The following ITLN1 variants were observed in gnomAD, a reference collection of about 807,000 sequenced individuals.
ITLN1 encodes intelectin-1.
A neutral mutation model predicts 36.2 loss-of-function variants in ITLN1; 29 were observed. The ratio of observed to expected loss-of-function variants is 0.80; its 90% CI spans 0.60 to 1.09. The LOEUF is 1.09. Ranked by LOEUF, ITLN1 falls within the 50% of genes least tolerant of loss-of-function variation. ITLN1 has a pLI of 0.00. For missense variants in ITLN1, 358 were observed against 405.2 expected (o/e 0.88, Z 1.00); for synonymous variants, 143 against 146.5 (o/e 0.98, Z 0.17).
rs772095207 is a variant in ITLN1, at chr1:160,884,828, C to T, written c.50G>A (p.Trp17Ter). Residue 17 changes from tryptophan to a stop codon, truncating the protein, a stop_gained, in exon 2 of 8, where the codon TGG (tryptophan) becomes TAG (stop). Coordinates refer to ENST00000326245, the MANE Select transcript of ITLN1 (RefSeq NM_017625.3). LOFTEE classifies it high-confidence loss of function. ...LLFLIATTRG[W>*]STDEANTYFK... is the part of the protein sequence containing the mutation. Reference sequence around the variant, plus strand: ...CTAGCAGCGTGACTCACCTGTACTCCATCCTCTGGTGGTCGCTATGAGAAA... The same window carrying T: ...CTAGCAGCGTGACTCACCTGTACTCTATCCTCTGGTGGTCGCTATGAGAAA... 6.2e-7 allele frequency: 1 copy of T among 1,612,032 alleles called. No homozygotes were observed. Among genetic ancestry groups the T allele is most frequent in the South Asian group, 1.1e-5 (1 of 91,004 alleles).
chr1:160,883,398 T>A, intron 3 of ITLN1, 30 bp downstream of exon 3: 1 of 1,474,018 alleles, frequency 6.8e-7, no homozygotes, highest in Admixed American at 1.7e-5. Context: ...ATACCCTGAC[T>A]GAGCTCTGTT....
chr1:160,884,908 C>T (rs2297560), intron 1 of ITLN1, 25 bp from the exon 2 acceptor site: 42,803 of 1,521,144 alleles, frequency 0.028, 2,876 homozygotes, highest in African/African-American at 0.22. Context: ...ATGAAGGTCA[C>T]CATCTTGGCC....
At position 160,883,495 on chromosome 1, in the gene ITLN1, G is replaced by A. The variant is rs1324342976; in HGVS notation, c.90C>T (p.Thr30=). Residue 30 remains threonine, a synonymous_variant, in exon 3 of 8, where the codon ACC becomes ACT. Coordinates refer to ENST00000326245, the MANE Select transcript of ITLN1 (RefSeq NM_017625.3). ...TGGGCAGAGATGGAGACGAAGAACAGGTCCATTCCTTGAAGTAAGTATTAG... is the reference window on the plus strand; with the variant it reads ...TGGGCAGAGATGGAGACGAAGAACAAGTCCATTCCTTGAAGTAAGTATTAG... ...DEANTYFKEW[T]CSSSPSLPRS... is the part of the protein sequence containing the mutation. 2.5e-6 allele frequency: 4 copies of A among 1,613,160 alleles called. No individual in the cohort carries two copies. The highest frequency in any genetic ancestry group is 2.5e-6 in the Non-Finnish European group (3 of 1,179,210).
At position 160,882,172 on chromosome 1, in the gene ITLN1, C is replaced by T; in HGVS notation, c.190G>A (p.Val64Ile). ...GLYFLRTENG[V>I]IYQTFCDMTS... ...ATGTCACAGAAGGTCTGGTAGATAA[C>T]ACCATTCTCAGTGCGGAGAAAATAC... The change falls in exon 4 of 8, where the codon GTT (valine) becomes ATT (isoleucine). Residue 64 changes from valine to isoleucine, a missense_variant. Physicochemically the swap from Val to Ile is conservative, Grantham distance 29. Coordinates refer to ENST00000326245, the MANE Select transcript of ITLN1 (RefSeq NM_017625.3). The T allele has an allele frequency of 2.5e-6, 4 of 1,598,958 alleles. No homozygotes were observed. The highest frequency in any genetic ancestry group is 3.4e-6 in the Non-Finnish European group (4 of 1,171,190).
intron 2 of ITLN1, 82 bp downstream of exon 2, chr1:160,884,738 A>T: frequency 1.1e-6 from 1 of 949,522 alleles, no homozygotes. Context: ...CATCTCAAGG[A>T]CATGCTCTGT....
intron 4 of ITLN1, 181 bp from the exon 5 acceptor site, chr1:160,881,493 T>G (rs2101909948): frequency 1.6e-6 from 1 of 620,960 alleles, no homozygotes; most frequent in Admixed American, 3.5e-5. Context: ...CTAACAGCCT[T>G]GTTAGGAGGA....
At chr1:160,882,707 G>T (rs774564895) in intron 3 of ITLN1, among the ~76,000 whole-genome samples, 2 of 152,144 alleles carry the variant, frequency 1.3e-5, no homozygotes, top group Non-Finnish European at 2.9e-5. Context: ...ACTGTGCTAA[G>T]TGAAATAAGC....
chr1:160,878,317 C>A (rs6703406), intron 7 of ITLN1, among the ~76,000 whole-genome samples: 3 of 151,826 alleles, frequency 2.0e-5, no homozygotes, highest in Non-Finnish European at 2.9e-5. Flanking sequence ...GTACAGCCTG[C>A]AGAACCATGA....
intron 3 of ITLN1, among the ~76,000 whole-genome samples, chr1:160,882,869 T>C (rs561163335): frequency 1.2e-4 from 18 of 152,286 alleles, no homozygotes; most frequent in Non-Finnish European, 2.6e-4. Flanking sequence ...TGTTTTGTTT[T>C]GTTTTTGTTT....
At chr1:160,884,927 T>G in intron 1 of ITLN1, 44 bp from the exon 2 acceptor site, 1 of 1,334,652 alleles carries the variant, frequency 7.5e-7, no homozygotes, top group African/African-American at 1.4e-5. Flanking sequence ...CCATCATTTT[T>G]CTCTACATCC....
At chr1:160,881,817 A>AAAAAG (rs1362198541) in intron 4 of ITLN1, 140 bp downstream of exon 4, 10 of 1,234,670 alleles carry the variant, frequency 8.1e-6, no homozygotes, top group Middle Eastern at 5.5e-4. Context: ...AAAAAAAAAA[A>AAAAAG]AAAAAAAAGA....
At chr1:160,879,230 C>A (rs890391023) in intron 7 of ITLN1, 81 bp downstream of exon 7, 56 of 990,372 alleles carry the variant, frequency 5.7e-5, no homozygotes, top group Non-Finnish European at 8.6e-5. Context: ...TCATACCACA[C>A]TCAACACACT....
chr1:160,882,232 C>T (rs2274909), intron 3 of ITLN1, 28 bp from the exon 4 acceptor site: 1,017,066 of 1,538,178 alleles, frequency 0.66, 341,007 homozygotes, highest in Middle Eastern at 0.71. Flanking sequence ...CCAGAGCCTC[C>T]CTGTCTGAGA....
Position 160,883,465 on chromosome 1 carries a change from G to A in ITLN1, c.120C>T (p.Ser40=). The change falls in exon 3 of 8, where the codon AGC becomes AGT. Residue 40 remains serine (S), a synonymous_variant. Coordinates refer to ENST00000326245, the MANE Select transcript of ITLN1 (RefSeq NM_017625.3). ...TCSSSPSLPR[S]CKEIKDECPS... ...GACATTCGTCTTTGATTTCCTTGCAGCTTCTGGGCAGAGATGGAGACGAAG... is the reference window on the plus strand; with the variant it reads ...GACATTCGTCTTTGATTTCCTTGCAACTTCTGGGCAGAGATGGAGACGAAG... 1 of 1,613,752 alleles carries A rather than the reference G, an allele frequency of 6.2e-7. No individual in the cohort carries two copies. Among genetic ancestry groups the A allele is most frequent in the Non-Finnish European group, 8.5e-7 (1 of 1,179,684 alleles).
intron 3 of ITLN1, among the ~76,000 whole-genome samples, chr1:160,882,618 G>A (rs1254015883): frequency 6.6e-6 from 1 of 152,096 alleles, no homozygotes; most frequent in Admixed American, 6.6e-5. Flanking sequence ...ACAAAACATG[G>A]TGTGTGTGCA....
chr1:160,876,949 C>T, intron 7 of ITLN1, 133 bp from the exon 8 acceptor site: 1 of 930,438 alleles, frequency 1.1e-6, no homozygotes, highest in South Asian at 1.8e-5. Flanking sequence ...CTATTCTTCC[C>T]ATAAAAACCT....
rs1670673866 is a variant in ITLN1, at chr1:160,881,252, A to T, written c.466T>A (p.Ser156Thr). The T allele has an allele frequency of 6.2e-7, 1 of 1,612,182 alleles. No homozygotes were observed. Among genetic ancestry groups the T allele is most frequent in the Non-Finnish European group, 8.5e-7 (1 of 1,179,178 alleles). ...DLGIWHVPNK[S>T]PMQHWRNSSL... Reference sequence around the variant, plus strand: ...CTGTTTCTCCAGTGCTGCATGGGGGACTTATTGGGCACGTGCCAGATGCCC... The same window carrying T: ...CTGTTTCTCCAGTGCTGCATGGGGGTCTTATTGGGCACGTGCCAGATGCCC... Residue 156 changes from serine to threonine, a missense_variant, in exon 5 of 8, where the codon TCC (serine) becomes ACC (threonine). Ser to Thr is a moderately conservative substitution (Grantham distance 58). Coordinates refer to ENST00000326245, the MANE Select transcript of ITLN1 (RefSeq NM_017625.3).
intron 3 of ITLN1, among the ~76,000 whole-genome samples, chr1:160,883,097 G>A (rs1341024724): frequency 1.3e-5 from 2 of 152,046 alleles, no homozygotes; most frequent in African/African-American, 4.8e-5. Context: ...CAAACTCCTG[G>A]CCTCAACTGA....
intron 3 of ITLN1, 22 bp downstream of exon 3, chr1:160,883,406 G>A: frequency 6.5e-7 from 1 of 1,540,924 alleles, no homozygotes; most frequent in Non-Finnish European, 9.0e-7. Flanking sequence ...ACTGAGCTCT[G>A]TTTGAATGTT....
Sources: gnomAD v4.1 joint callset for allele counts (sites outside exome capture counted in the v4.1 genomes callset) on GRCh38, gnomAD v4.1.1 for gene constraint, MANE v1.5 for transcripts, NCBI Gene and HGNC (gene_info 2026-07-23, HGNC 2026-07-21) for gene names.